SLCO5A1: variants seen among roughly 807,000 people sequenced by gnomAD.
SLCO5A1 encodes the protein organic anion transporter polypeptide-related protein 4.
SLCO5A1 carries 39 observed loss-of-function variants against 65.1 expected under a neutral mutation model. The ratio of observed to expected loss-of-function variants is 0.60; its 90% CI spans 0.46 to 0.78. The LOEUF (loss-of-function observed/expected upper bound fraction) is 0.78. Ranked by LOEUF, SLCO5A1 falls within the 30% of genes least tolerant of loss-of-function variation. SLCO5A1 has a pLI of 0.00. For synonymous variants in SLCO5A1, 438 were observed against 415.7 expected (o/e 1.05, Z -0.65); for missense variants, 1,029 against 1,069.4 (o/e 0.96, Z 0.53).
chr8:69,768,785 G>A (rs1818187925), intron 2 of SLCO5A1, among the ~76,000 whole-genome samples: 2 of 152,156 alleles, frequency 1.3e-5, no homozygotes, highest in African/African-American at 4.8e-5. Flanking sequence ...TGGGGGTCAA[G>A]GCTTCAACAT....
intron 2 of SLCO5A1, chr8:69,793,930 AAC>A (rs1432540723): frequency 1.9e-5 from 3 of 154,044 alleles, no homozygotes; most frequent in South Asian, 2.0e-4. Flanking sequence ...GACATATCTT[AAC>A]AGTTATTCTT....
chr8:69,809,732 T>TGG (rs938333437), intron 2 of SLCO5A1, among the ~76,000 whole-genome samples: 6 of 147,028 alleles, frequency 4.1e-5, no homozygotes, highest in Non-Finnish European at 8.9e-5. Flanking sequence ...CTAAGGAGTG[T>TGG]GGTGTGTGTG....
At chr8:69,764,462 GCA>G (rs1817959119) in intron 2 of SLCO5A1, among the ~76,000 whole-genome samples, 1 of 152,102 alleles carries the variant, frequency 6.6e-6, no homozygotes, top group Non-Finnish European at 1.5e-5. Context: ...AAAAGAGAAA[GCA>G]CAGTGTTTAT....
chr8:69,810,839 C>G (rs775126572), intron 2 of SLCO5A1, among the ~76,000 whole-genome samples: 1 of 152,192 alleles, frequency 6.6e-6, no homozygotes, highest in Non-Finnish European at 1.5e-5. Flanking sequence ...CTGGAAGACA[C>G]TATGAAACAA....
chr8:69,812,738 T>A (rs1820259487), intron 2 of SLCO5A1, among the ~76,000 whole-genome samples: 1 of 152,188 alleles, frequency 6.6e-6, no homozygotes, highest in Non-Finnish European at 1.5e-5. Flanking sequence ...CCACCAATCC[T>A]AAGTGAAGAA....
intron 6 of SLCO5A1, among the ~76,000 whole-genome samples, chr8:69,695,556 C>CA (rs1563667026): frequency 6.8e-6 from 1 of 146,080 alleles, no homozygotes. Context: ...TGACTTCTCT[C>CA]TTTTTTTTTT....
chr8:69,814,123 T>C (rs912799660), intron 2 of SLCO5A1, among the ~76,000 whole-genome samples: 9 of 152,118 alleles, frequency 5.9e-5, no homozygotes, highest in African/African-American at 1.9e-4. Context: ...TACATGACAT[T>C]GATCTTAGGA....
chr8:69,683,136 G>T (rs942669726), intron 6 of SLCO5A1, among the ~76,000 whole-genome samples: 5 of 152,154 alleles, frequency 3.3e-5, no homozygotes, highest in African/African-American at 1.2e-4. Context: ...ATATAGGCCT[G>T]GGGAGAAGAG....
At chr8:69,817,106 T>C (rs553875112) in intron 2 of SLCO5A1, among the ~76,000 whole-genome samples, 2 of 152,306 alleles carry the variant, frequency 1.3e-5, no homozygotes, top group South Asian at 4.1e-4. Flanking sequence ...CTCAGAACTT[T>C]TGCTAAAGTA....
intron 4 of SLCO5A1, among the ~76,000 whole-genome samples, chr8:69,745,500 A>G (rs1563696653): frequency 6.6e-6 from 1 of 152,178 alleles, no homozygotes; most frequent in Non-Finnish European, 1.5e-5. Context: ...ATTACTATGA[A>G]GCAGTTGACT....
intron 4 of SLCO5A1, among the ~76,000 whole-genome samples, chr8:69,751,957 G>A (rs764807643): frequency 2.0e-5 from 3 of 152,142 alleles, no homozygotes; most frequent in Admixed American, 6.6e-5. Context: ...AAAGCCAAGC[G>A]TGGTGGCTCA....
At chr8:69,834,662 G>A (rs1012543646) in intron 1 of SLCO5A1, among the ~76,000 whole-genome samples, 192 bp downstream of exon 1, 8 of 152,066 alleles carry the variant, frequency 5.3e-5, no homozygotes, top group Non-Finnish European at 1.2e-4. Context: ...CGCGGATCCC[G>A]GCAGGGAGCT....
chr8:69,776,415 T>C (rs1213343183), intron 2 of SLCO5A1, among the ~76,000 whole-genome samples: 6 of 152,160 alleles, frequency 3.9e-5, no homozygotes, highest in Admixed American at 1.3e-4. Flanking sequence ...AAAAAAAGAT[T>C]GGGCTGGGTG....
intron 6 of SLCO5A1, among the ~76,000 whole-genome samples, chr8:69,688,914 C>A (rs1370645229): frequency 6.6e-6 from 1 of 152,170 alleles, no homozygotes; most frequent in African/African-American, 2.4e-5. Flanking sequence ...AATTGCCACA[C>A]TGACTTCCAC....
At chr8:69,812,691 A>G (rs1046127526) in intron 2 of SLCO5A1, among the ~76,000 whole-genome samples, 1 of 152,204 alleles carries the variant, frequency 6.6e-6, no homozygotes, top group Non-Finnish European at 1.5e-5. Flanking sequence ...AACACTACCC[A>G]TCGCTCTTCA....
At chr8:69,812,267 C>T (rs1799524815) in intron 2 of SLCO5A1, among the ~76,000 whole-genome samples, 1 of 152,156 alleles carries the variant, frequency 6.6e-6, no homozygotes. Flanking sequence ...CCCACTCTTC[C>T]TAACCCTAAG....
At chr8:69,729,874 G>T (rs16936383) in intron 5 of SLCO5A1, among the ~76,000 whole-genome samples, 1 of 152,014 alleles carries the variant, frequency 6.6e-6, no homozygotes, top group Non-Finnish European at 1.5e-5. Context: ...CTCTCTTCGC[G>T]GGTGGGATTT....
intron 2 of SLCO5A1, among the ~76,000 whole-genome samples, chr8:69,805,780 A>G (rs1204523803): frequency 6.6e-6 from 1 of 152,224 alleles, no homozygotes; most frequent in Non-Finnish European, 1.5e-5. Flanking sequence ...CCTGCTGGGA[A>G]AAAGGGAACA....
chr8:69,758,178 ATTT>A (rs1044394786), intron 3 of SLCO5A1, among the ~76,000 whole-genome samples: 4 of 151,940 alleles, frequency 2.6e-5, no homozygotes, highest in Admixed American at 2.0e-4. Flanking sequence ...TTAATTAATT[ATTT>A]ATTTATCTTG....
Sources: gnomAD v4.1 joint callset for allele counts (sites outside exome capture counted in the v4.1 genomes callset) on GRCh38, gnomAD v4.1.1 for gene constraint, MANE v1.5 for transcripts, NCBI Gene and HGNC (gene_info 2026-07-23, HGNC 2026-07-21) for gene names.